The following DTNA variants were observed in gnomAD, a reference collection of about 807,000 sequenced individuals.
The protein encoded by DTNA is dystrobrevin alpha, also known as dystrophin-related protein 3.
DTNA carries 43 observed loss-of-function variants against 100.7 expected under a neutral mutation model. That is an observed-to-expected ratio of 0.43 (90% CI 0.33 to 0.55). The LOEUF is 0.55. Ranked by LOEUF, DTNA falls within the 20% of genes least tolerant of loss-of-function variation. The pLI is 0.04. For synonymous variants in DTNA, 349 were observed against 347.9 expected, an observed-to-expected ratio of 1.00 and a Z score of -0.04; for missense variants, 798 against 953.9, an observed-to-expected ratio of 0.84 and a Z score of 2.15.
intron 1 of DTNA, among the ~76,000 whole-genome samples, chr18:34,751,651 A>T (rs1308087865): frequency 6.6e-6 from 1 of 152,084 alleles, no homozygotes; most frequent in Non-Finnish European, 1.5e-5. Context: ...ACTCTTTTTC[A>T]TCTGGAAAAT....
chr18:34,534,656 C>G (rs975529937), intron 1 of DTNA, among the ~76,000 whole-genome samples: 2 of 151,934 alleles, frequency 1.3e-5, no homozygotes, highest in African/African-American at 2.4e-5. Context: ...CTCCAACCCC[C>G]CTACAGGCTC....
chr18:34,549,559 A>G (rs2045179494), intron 1 of DTNA, among the ~76,000 whole-genome samples: 1 of 152,052 alleles, frequency 6.6e-6, no homozygotes, highest in Non-Finnish European at 1.5e-5. Context: ...TGCCCAGATT[A>G]CCATTGCTGT....
intron 1 of DTNA, among the ~76,000 whole-genome samples, chr18:34,527,977 A>G (rs888234947): frequency 6.6e-6 from 1 of 152,096 alleles, no homozygotes; most frequent in East Asian, 1.9e-4. Context: ...GGACTGCAAC[A>G]TCAGTTGTTT....
chr18:34,753,361 A>ATTTATTTTTT (rs1568412397), intron 1 of DTNA, among the ~76,000 whole-genome samples: 8 of 96,902 alleles, frequency 8.3e-5, no homozygotes, highest in African/African-American at 4.2e-4. Flanking sequence ...TTATTTATTT[A>ATTTATTTTTT]TTTTATTTTT....
chr18:34,715,262 G>T (rs2083797150), intron 1 of DTNA, among the ~76,000 whole-genome samples: 1 of 151,882 alleles, frequency 6.6e-6, no homozygotes, highest in Admixed American at 6.6e-5. Flanking sequence ...ACAATGTGTG[G>T]GTCAGTATCT....
At chr18:34,583,065 T>A (rs1408646750) in intron 1 of DTNA, among the ~76,000 whole-genome samples, 1 of 152,232 alleles carries the variant, frequency 6.6e-6, no homozygotes, top group Non-Finnish European at 1.5e-5. Flanking sequence ...TATTTTCACT[T>A]TTTAAGAGAG....
At chr18:34,731,135 AG>A (rs1568345206) in intron 1 of DTNA, among the ~76,000 whole-genome samples, 1 of 152,218 alleles carries the variant, frequency 6.6e-6, no homozygotes, top group African/African-American at 2.4e-5. Flanking sequence ...ATAGAAAAAA[AG>A]GGTTATCTGT....
At chr18:34,835,671 A>G (rs530147008) in intron 11 of DTNA, among the ~76,000 whole-genome samples, 1 of 152,308 alleles carries the variant, frequency 6.6e-6, no homozygotes, top group Admixed American at 6.5e-5. Flanking sequence ...GGGCTCCTCC[A>G]TGCTTGGGCT....
chr18:34,790,549 C>CTATATATATATATATATATA (rs67141918), intron 3 of DTNA, among the ~76,000 whole-genome samples: 1 of 96,202 alleles, frequency 1.0e-5, no homozygotes, highest in African/African-American at 4.7e-5. Flanking sequence ...AAGCAGCATA[C>CTATATATATATATATATATA]TATATATATA....
rs555677036 is a variant in DTNA, at chr18:34,720,410, T to C, written c.-2+9965T>C. On this transcript the variant is annotated intron_variant, in intron 1 of 22. Transcript: ENST00000444659. ...CAATGAAAGAACAATGCCTCTGTTG[T>C]ACTGGATTTCCAGCAGGGAATGATG... Among the ~76,000 whole-genome samples the C allele has an allele frequency of 1.1e-4, 16 of 152,322 alleles. No homozygotes were observed. The East Asian group carries it at 3.1e-3, about 29-fold the overall frequency.
At chr18:34,597,042 C>T (rs2050770670) in intron 1 of DTNA, among the ~76,000 whole-genome samples, 1 of 152,234 alleles carries the variant, frequency 6.6e-6, no homozygotes, top group South Asian at 2.1e-4. Context: ...GTGATGTTCC[C>T]CTCCCTGTGC....
chr18:34,602,704 A>C (rs562992867), intron 1 of DTNA, among the ~76,000 whole-genome samples: 41 of 152,096 alleles, frequency 2.7e-4, no homozygotes, highest in South Asian at 1.0e-3. Context: ...TCTACAAAAA[A>C]AAACAAACAA....
chr18:34,769,724 G>GTTTTTTTTTTTTTTTTTT (rs1264439291), intron 3 of DTNA, among the ~76,000 whole-genome samples: 2 of 41,414 alleles, frequency 4.8e-5, no homozygotes, highest in Non-Finnish European at 6.6e-5. Context: ...GCCCTCTGGG[G>GTTTTTTTTTTTTTTTTTT]CTTTTTTTTT....
chr18:34,800,134 C>T (rs1436545629), intron 4 of DTNA, among the ~76,000 whole-genome samples: 4 of 152,230 alleles, frequency 2.6e-5, no homozygotes, highest in Non-Finnish European at 2.9e-5. Flanking sequence ...TATTCAAACA[C>T]GTTATATTTC....
At chr18:34,661,057 A>T (rs993068203) in intron 1 of DTNA, among the ~76,000 whole-genome samples, 7 of 152,164 alleles carry the variant, frequency 4.6e-5, no homozygotes, top group Non-Finnish European at 8.8e-5. Flanking sequence ...AACTATTATG[A>T]TATCTATTTT....
intron 1 of DTNA, 30 bp downstream of exon 1, chr18:34,710,475 ACT>A (rs1370386299): frequency 6.6e-6 from 1 of 152,110 alleles, no homozygotes; most frequent in Non-Finnish European, 1.5e-5. Context: ...ATGAAACTGA[ACT>A]CTCTGACTTC....
At chr18:34,736,943 T>A (rs1006789476) in intron 1 of DTNA, among the ~76,000 whole-genome samples, 3 of 152,372 alleles carry the variant, frequency 2.0e-5, no homozygotes, top group East Asian at 1.9e-4. Context: ...GGCATCAGTT[T>A]TGTGAGAAAG....
At chr18:34,880,758 G>T (rs1196714549) in intron 20 of DTNA, among the ~76,000 whole-genome samples, 2 of 152,126 alleles carry the variant, frequency 1.3e-5, no homozygotes, top group African/African-American at 4.8e-5. Context: ...GCAGAGAGTA[G>T]GATCAAAACA....
chr18:34,858,484 T>C, intron 16 of DTNA, 86 bp downstream of exon 16: 1 of 1,346,052 alleles, frequency 7.4e-7, no homozygotes, highest in Non-Finnish European at 1.1e-6. Context: ...CAGAAAACAG[T>C]CCTCAGCTAC....
Sources: allele counts gnomAD v4.1 joint callset (sites outside exome capture counted in the v4.1 genomes callset), GRCh38; gene constraint gnomAD v4.1.1; transcripts MANE v1.5; gene names NCBI Gene and HGNC (gene_info 2026-07-23, HGNC 2026-07-21).